Variants in PLEKHA5 observed in about 807,000 individuals in gnomAD.
The protein encoded by PLEKHA5 is pleckstrin homology domain containing A5, also known as pleckstrin homology domain-containing family A member 5.
Under a neutral mutation model 181.9 loss-of-function variants are expected in PLEKHA5, and 55 were observed. The observed-to-expected ratio is 0.30, with a 90% CI of 0.24 to 0.38. PLEKHA5 has a LOEUF of 0.38. Ranked by LOEUF, PLEKHA5 falls within the 10% of genes least tolerant of loss-of-function variation. PLEKHA5 has a pLI of 1.00. For synonymous variants in PLEKHA5, 535 were observed against 529.4 expected (o/e 1.01, Z -0.15); for missense variants, 1,432 against 1,549.5 (o/e 0.92, Z 1.27).
chr12:19,188,961 C>T (rs2050452915), intron 3 of PLEKHA5, among the ~76,000 whole-genome samples: 1 of 152,168 alleles, frequency 6.6e-6, no homozygotes, highest in Non-Finnish European at 1.5e-5. Flanking sequence ...ATGAATAAAA[C>T]AGGCACTGTC....
chr12:19,292,562 C>T (rs988138808), intron 15 of PLEKHA5, among the ~76,000 whole-genome samples: 1 of 151,718 alleles, frequency 6.6e-6, no homozygotes, highest in African/African-American at 2.4e-5. Flanking sequence ...TGTGTAGAGC[C>T]AGTTTTATAG....
chr12:19,326,287 A>G (rs2153067536), intron 20 of PLEKHA5, among the ~76,000 whole-genome samples: 1 of 152,340 alleles, frequency 6.6e-6, no homozygotes, highest in South Asian at 2.1e-4. Context: ...GCATGTGCAT[A>G]ACATCATACT....
intron 3 of PLEKHA5, among the ~76,000 whole-genome samples, chr12:19,235,611 A>G (rs573825307): frequency 1.2e-4 from 19 of 152,302 alleles, no homozygotes; most frequent in Admixed American, 1.2e-3. Flanking sequence ...AAATGGAGTC[A>G]CGGGGAGGCT....
intron 3 of PLEKHA5, among the ~76,000 whole-genome samples, chr12:19,184,426 A>T (rs1270605010): frequency 6.6e-6 from 1 of 152,130 alleles, no homozygotes; most frequent in Non-Finnish European, 1.5e-5. Flanking sequence ...TGGATGTAGG[A>T]TGTACATGTG....
At chr12:19,239,441 TC>T (rs2062040430) in intron 3 of PLEKHA5, among the ~76,000 whole-genome samples, 1 of 152,116 alleles carries the variant, frequency 6.6e-6, no homozygotes, top group Non-Finnish European at 1.5e-5. Flanking sequence ...TGAATTTCTG[TC>T]CCCCTCGTGC....
rs371609660 is a variant in PLEKHA5 at position 19,343,305 on chromosome 12, A to C, written c.2551-18A>C. 6.6e-7 allele frequency: 1 copy of C among 1,507,718 alleles called. No individual in the cohort carries two copies. Among genetic ancestry groups the C allele is most frequent in the South Asian group, 1.1e-5 (1 of 88,276 alleles). 93.4% of individuals were successfully genotyped at this position (1,507,718 alleles called of 1,614,324 possible). On this transcript the variant is annotated intron_variant, in intron 21 of 31. Coordinates refer to ENST00000429027, the MANE Select transcript of PLEKHA5 (RefSeq NM_001256470.2). The stretch of plus-strand genomic sequence containing the variant: ...TGATTTTTTTTCTTATATATGGTCT[A>C]TCCATTTTTACTGATAGACGGAATC...
chr12:19,248,760 G>C (rs535739423), intron 3 of PLEKHA5, among the ~76,000 whole-genome samples: 2 of 151,996 alleles, frequency 1.3e-5, no homozygotes, highest in Non-Finnish European at 1.5e-5. Flanking sequence ...ACCATAGTTG[G>C]GGTTGAGTAT....
intron 27 of PLEKHA5, 60 bp downstream of exon 27, chr12:19,358,497 T>A: frequency 8.8e-7 from 1 of 1,138,442 alleles, no homozygotes; most frequent in Non-Finnish European, 1.3e-6. Context: ...AATTTTGGAA[T>A]CAGAGTTACA....
intron 3 of PLEKHA5, among the ~76,000 whole-genome samples, chr12:19,231,613 A>ATTTATATATGTAAACATATATATGT (rs1345945535): frequency 3.1e-5 from 1 of 32,454 alleles, no homozygotes; most frequent in East Asian, 4.7e-4. Context: ...TATATATATA[A>ATTTATATATGTAAACATATATATGT]ATACTCATAA....
intron 3 of PLEKHA5, among the ~76,000 whole-genome samples, chr12:19,180,806 T>G (rs1239326805): frequency 6.6e-6 from 1 of 151,358 alleles, no homozygotes; most frequent in Non-Finnish European, 1.5e-5. Flanking sequence ...TTTTTTTTTT[T>G]TAAACTGTAT....
chr12:19,143,015 T>A lies in PLEKHA5; in HGVS notation c.227+10565T>A, dbSNP rs1231784939. 3.9e-5 allele frequency among the ~76,000 whole-genome samples: 6 copies of A among 152,220 alleles called. No individual in the cohort carries two copies. In the East Asian group the frequency reaches 1.2e-3, roughly 29 times the overall value. The stretch of plus-strand genomic sequence containing the variant: ...ATAATATTCCATCATATTTTCTTTA[T>A]CCATTCATCTCTTGATGGACATGTG... On this transcript the variant is annotated intron_variant, in intron 3 of 31. Transcript: ENST00000429027.
chr12:19,270,754 T>G (rs776952754), intron 10 of PLEKHA5, among the ~76,000 whole-genome samples: 3 of 152,214 alleles, frequency 2.0e-5, no homozygotes, highest in Non-Finnish European at 4.4e-5. Context: ...CAGTGACAGC[T>G]GAGCACATAT....
intron 3 of PLEKHA5, among the ~76,000 whole-genome samples, chr12:19,245,525 C>T (rs1214430528): frequency 1.3e-5 from 2 of 151,726 alleles, no homozygotes; most frequent in African/African-American, 4.8e-5. Context: ...GTCAGGAGTT[C>T]GAGACCAGCC....
chr12:19,359,334 A>G, intron 27 of PLEKHA5, 78 bp from the exon 28 acceptor site: 1 of 1,274,224 alleles, frequency 7.8e-7, no homozygotes, highest in Non-Finnish European at 1.1e-6. Flanking sequence ...TTCTATTTTG[A>G]GAATTAACAG....
intron 8 of PLEKHA5, among the ~76,000 whole-genome samples, chr12:19,267,901 A>G (rs2071060062): frequency 6.6e-6 from 1 of 152,042 alleles, no homozygotes; most frequent in Admixed American, 6.6e-5. Flanking sequence ...CGGAGGTTGC[A>G]GTGAGCCGAG....
intron 16 of PLEKHA5, among the ~76,000 whole-genome samples, chr12:19,315,112 G>A (rs1343868509): frequency 6.6e-6 from 1 of 152,054 alleles, no homozygotes; most frequent in Non-Finnish European, 1.5e-5. Context: ...AATATTAAAT[G>A]TGCCATTTTC....
intron 20 of PLEKHA5, among the ~76,000 whole-genome samples, chr12:19,326,823 G>A (rs1477417179): frequency 2.0e-5 from 3 of 152,120 alleles, no homozygotes; most frequent in Non-Finnish European, 4.4e-5. Flanking sequence ...ACGGTATTTG[G>A]TTTTCTTTTC....
chr12:19,257,043 T>G (rs111293516), intron 5 of PLEKHA5, among the ~76,000 whole-genome samples: 1 of 152,190 alleles, frequency 6.6e-6, no homozygotes, highest in Non-Finnish European at 1.5e-5. Context: ...CCTGCACTAT[T>G]AAATGCAGAT....
chr12:19,263,318 G>C (rs1218107952), intron 7 of PLEKHA5, among the ~76,000 whole-genome samples: 2 of 152,146 alleles, frequency 1.3e-5, no homozygotes, highest in African/African-American at 2.4e-5. Context: ...TATACAAAGT[G>C]CTTACCTCAG....
Sources: allele counts gnomAD v4.1 joint callset (sites outside exome capture counted in the v4.1 genomes callset), GRCh38; gene constraint gnomAD v4.1.1; transcripts MANE v1.5; gene names NCBI Gene and HGNC (gene_info 2026-07-23, HGNC 2026-07-21).